MARCHF1: variants seen among roughly 807,000 people sequenced by gnomAD.
The protein encoded by MARCHF1 is E3 ubiquitin-protein ligase MARCHF1.
A neutral mutation model predicts 54.2 loss-of-function variants in MARCHF1; 40 were observed. That is an observed-to-expected ratio of 0.74 (90% CI 0.57 to 0.96). The LOEUF is 0.96. MARCHF1 is among the 40% of genes least tolerant of loss of function. The probability of loss-of-function intolerance (pLI) is 0.00; values close to 1 mark genes in which losing one functional copy is unlikely to be tolerated. For missense variants in MARCHF1, 586 were observed against 656.5 expected (o/e 0.89, Z 1.17); for synonymous variants, 236 against 236.3 (o/e 1.00, Z 0.01).
At chr4:164,230,338 T>C (rs1732381677) in intron 1 of MARCHF1, among the ~76,000 whole-genome samples, 1 of 150,588 alleles carries the variant, frequency 6.6e-6, no homozygotes, top group African/African-American at 2.4e-5. Flanking sequence ...GAGGTTGCAG[T>C]GAGCCAAGGT....
At chr4:163,938,869 C>T (rs995576004) in intron 3 of MARCHF1, among the ~76,000 whole-genome samples, 1 of 152,054 alleles carries the variant, frequency 6.6e-6, no homozygotes, top group Non-Finnish European at 1.5e-5. Context: ...AGAACTCACT[C>T]AGTATCATGA....
At chr4:164,345,575 T>TAAG (rs1554003084) in intron 1 of MARCHF1, among the ~76,000 whole-genome samples, 4 of 15,162 alleles carry the variant, frequency 2.6e-4, no homozygotes, top group South Asian at 4.7e-3. Flanking sequence ...GTCTCAAACA[T>TAAG]AATAATAATA....
chr4:163,777,622 G>A (rs1179287800), intron 4 of MARCHF1, among the ~76,000 whole-genome samples: 3 of 152,046 alleles, frequency 2.0e-5, no homozygotes, highest in African/African-American at 7.2e-5. Flanking sequence ...TATTTGTTTT[G>A]GCAGGTTTGT....
intron 2 of MARCHF1, among the ~76,000 whole-genome samples, chr4:164,089,419 A>G (rs940484948): frequency 1.3e-5 from 2 of 152,258 alleles, no homozygotes; most frequent in South Asian, 4.1e-4. Context: ...TCGCATGTTC[A>G]GTGTTCTTCC....
chr4:163,544,396 G>A (rs889152583), intron 9 of MARCHF1, among the ~76,000 whole-genome samples: 1 of 152,084 alleles, frequency 6.6e-6, no homozygotes, highest in Admixed American at 6.5e-5. Context: ...GACTCGACAC[G>A]GTAGTGCTTT....
At chr4:164,192,440 T>C (rs1313221954) in intron 1 of MARCHF1, among the ~76,000 whole-genome samples, 1 of 151,710 alleles carries the variant, frequency 6.6e-6, no homozygotes, top group Non-Finnish European at 1.5e-5. Context: ...CATAAGAGAG[T>C]CAATCATTCA....
At chr4:163,621,647 A>G (rs1478685489) in intron 5 of MARCHF1, among the ~76,000 whole-genome samples, 1 of 152,156 alleles carries the variant, frequency 6.6e-6, no homozygotes, top group Non-Finnish European at 1.5e-5. Flanking sequence ...ATCTATAGAG[A>G]AAGGAGACAG....
chr4:163,880,608 C>T (rs1434612306), intron 3 of MARCHF1, among the ~76,000 whole-genome samples: 1 of 151,426 alleles, frequency 6.6e-6, no homozygotes, highest in Non-Finnish European at 1.5e-5. Flanking sequence ...AAGAAAATAG[C>T]TTTTATGGAA....
intron 1 of MARCHF1, chr4:164,189,779 A>C: frequency 6.8e-7 from 1 of 1,480,840 alleles, no homozygotes; most frequent in East Asian, 2.3e-5. Flanking sequence ...ATGAGGATGA[A>C]TGACCCCTGA....
chr4:164,144,585 G>A (rs191658205), intron 1 of MARCHF1, among the ~76,000 whole-genome samples: 25,300 of 149,068 alleles, frequency 0.17, 3,251 homozygotes, highest in African/African-American at 0.35. Flanking sequence ...GGTACATAAC[G>A]AAATGAAGGC....
At position 163,525,568 on chromosome 4, in the gene MARCHF1, A is replaced by AAT. The variant is rs1350902075; in HGVS notation, c.*3178_*3179dup. The stretch of plus-strand genomic sequence containing the variant: ...TTGGAATTTCTTTCTTTTACAATTT[A>AAT]ATCTTTACTCCTGTACGATAAGAGT... On this transcript the variant is annotated 3_prime_UTR_variant, in exon 10 of 10. Coordinates refer to ENST00000514618, the MANE Select transcript of MARCHF1 (RefSeq NM_001394959.1). 1 of 152,166 alleles carries AAT rather than the reference A, an allele frequency of 6.6e-6. No individual in the cohort carries two copies. The allele number at this position is 152,166 out of a possible 1,614,324, so 9.4% of individuals were successfully genotyped here.
chr4:163,681,124 C>T (rs192391413), intron 5 of MARCHF1, among the ~76,000 whole-genome samples: 7 of 152,126 alleles, frequency 4.6e-5, no homozygotes, highest in East Asian at 1.9e-4. Context: ...CGAACAGCAT[C>T]GGTAAACAGT....
At chr4:163,644,046 AT>A (rs55834593) in intron 5 of MARCHF1, among the ~76,000 whole-genome samples, 30 of 151,810 alleles carry the variant, frequency 2.0e-4, no homozygotes, top group Non-Finnish European at 3.8e-4. Flanking sequence ...CCTCTTCAAA[AT>A]TTTTTTTAAA....
At chr4:164,028,253 C>T (rs1251982012) in intron 2 of MARCHF1, among the ~76,000 whole-genome samples, 6 of 152,046 alleles carry the variant, frequency 3.9e-5, no homozygotes, top group Admixed American at 3.3e-4. Context: ...ATCAGTCTAC[C>T]AAGAAGACAC....
chr4:163,828,607 T>G (rs1003481641), intron 4 of MARCHF1, among the ~76,000 whole-genome samples: 1 of 152,128 alleles, frequency 6.6e-6, no homozygotes. Flanking sequence ...ACATTAAAAA[T>G]AGAAATAAAT....
chr4:163,785,982 G>T lies in MARCHF1; in HGVS notation c.111+68039C>A, dbSNP rs575654935. On this transcript the variant is annotated intron_variant, in intron 4 of 9. Transcript: ENST00000514618. ...AAAGAAGAAGAGGTCAGAAAGAGAGGTTTGCACATGCTATGATACTGACAT... is the reference window on the plus strand; with the variant it reads ...AAAGAAGAAGAGGTCAGAAAGAGAGTTTTGCACATGCTATGATACTGACAT... Among the ~76,000 whole-genome samples, 9 of 152,076 alleles carry T rather than the reference G, an allele frequency of 5.9e-5. No individual in the cohort carries two copies. The South Asian group carries it at 1.9e-3, about 31-fold the overall frequency.
intron 2 of MARCHF1, among the ~76,000 whole-genome samples, chr4:163,996,584 T>C (rs917938077): frequency 2.6e-5 from 4 of 152,088 alleles, no homozygotes; most frequent in Non-Finnish European, 5.9e-5. Context: ...CGCATTCATA[T>C]ATTTTTAGCC....
At chr4:163,538,048 A>G (rs1738597967) in intron 9 of MARCHF1, among the ~76,000 whole-genome samples, 2 of 152,184 alleles carry the variant, frequency 1.3e-5, no homozygotes, top group African/African-American at 2.4e-5. Context: ...AATTAGACCT[A>G]AAGGAATCAA....
At chr4:163,635,050 G>A (rs1411261457) in intron 5 of MARCHF1, among the ~76,000 whole-genome samples, 41 of 73,540 alleles carry the variant, frequency 5.6e-4, no homozygotes, top group Non-Finnish European at 8.7e-4. Flanking sequence ...TGAAACCAAC[G>A]AGAACAAAGA....
Sources: gnomAD v4.1 joint callset for allele counts (sites outside exome capture counted in the v4.1 genomes callset) on GRCh38, gnomAD v4.1.1 for gene constraint, MANE v1.5 for transcripts, NCBI Gene and HGNC (gene_info 2026-07-23, HGNC 2026-07-21) for gene names.